Variants in AGAP1 observed in about 807,000 individuals in gnomAD.
The protein encoded by AGAP1 is arf-GAP with GTPase, ANK repeat and PH domain-containing protein 1.
In AGAP1, 29 loss-of-function variants were observed where a neutral mutation model predicts 105.3. The observed-to-expected ratio is 0.28, with a 90% CI of 0.21 to 0.38. The LOEUF (loss-of-function observed/expected upper bound fraction) is 0.38, where lower values mean the gene tolerates loss of function less well. Ranked by LOEUF, AGAP1 falls within the 10% of genes least tolerant of loss-of-function variation. The pLI is 1.00. For synonymous variants in AGAP1, 509 were observed against 485.9 expected (o/e 1.05, Z -0.63); for missense variants, 998 against 1,165.1 (o/e 0.86, Z 2.09).
Position 235,553,499 on chromosome 2 carries a change from G to A in AGAP1, c.163+58650G>A, listed in dbSNP as rs568493832. 7.2e-5 allele frequency among the ~76,000 whole-genome samples: 11 copies of A among 152,266 alleles called. No homozygotes were observed. The South Asian group carries it at 2.3e-3, about 32-fold the overall frequency. The stretch of plus-strand genomic sequence containing the variant: ...TGAGGTCACTAGCACATGGTGAGTA[G>A]TTAGTAAACAATTGCTTCTGCTAGA... On this transcript the variant is annotated intron_variant, in intron 1 of 17. Transcript: ENST00000304032. This position sits in a 1 kb window ranked among gnomAD's most constrained non-coding sequence, Gnocchi z 4.5.
Position 236,036,833 on chromosome 2 carries a change from T to C in AGAP1, c.1800+118T>C. Reference sequence around the variant, plus strand: ...CAGTGTGAATGACAGGACCTAGCTATTCTTTATGAGCAGAAAGCTCAATAA... The same window carrying C: ...CAGTGTGAATGACAGGACCTAGCTACTCTTTATGAGCAGAAAGCTCAATAA... On this transcript the variant is annotated intron_variant, in intron 14 of 17. Coordinates refer to ENST00000304032, the MANE Select transcript of AGAP1 (RefSeq NM_001037131.3). This position sits in a 1 kb window ranked among gnomAD's most constrained non-coding sequence, Gnocchi z 5.7. The C allele has an allele frequency of 6.9e-7, 1 of 1,442,342 alleles. No homozygotes were observed. The allele number at this position is 1,442,342 out of a possible 1,614,324, so 89.3% of individuals were successfully genotyped here. A position where few individuals can be genotyped will look rare whatever the true frequency, so the allele number is the denominator to read the frequency against.
In AGAP1 at chr2:235,931,239, G is replaced by A. The variant is rs148427255; in HGVS notation, c.1483+316G>A. On this transcript the variant is annotated intron_variant, in intron 12 of 17. Coordinates refer to ENST00000304032, the MANE Select transcript of AGAP1 (RefSeq NM_001037131.3). This position sits in a 1 kb window ranked among gnomAD's most constrained non-coding sequence, Gnocchi z 5.6. Reference sequence around the variant, plus strand: ...AGGGTCACGTGACAGAAGTGGCAGCGCTGAGAAATAAGATCTGATTTTATC... The same window carrying A: ...AGGGTCACGTGACAGAAGTGGCAGCACTGAGAAATAAGATCTGATTTTATC... Among the ~76,000 whole-genome samples, 5 of 152,302 alleles carry A rather than the reference G, an allele frequency of 3.3e-5. No individual in the cohort carries two copies. Among genetic ancestry groups the A allele is most frequent in the Middle Eastern group, 3.4e-3 (1 of 294 alleles).
At chr2:235,598,032 G>A in intron 1 of AGAP1, among the ~76,000 whole-genome samples, 1 of 110,776 alleles carries the variant, frequency 9.0e-6, no homozygotes, top group Non-Finnish European at 1.8e-5. Flanking sequence ...CCTTTGTGTG[G>A]AGCGTGCACG....
intron 9 of AGAP1, among the ~76,000 whole-genome samples, chr2:235,878,455 T>G (rs550319367): frequency 1.9e-4 from 29 of 152,302 alleles, no homozygotes; most frequent in Non-Finnish European, 2.1e-4. Context: ...AGTCACGTTC[T>G]GGGCTAAAGT....
At chr2:235,707,463 CT>C (rs1950590643) in intron 1 of AGAP1, among the ~76,000 whole-genome samples, 1 of 109,914 alleles carries the variant, frequency 9.1e-6, no homozygotes, top group Non-Finnish European at 2.2e-5. Context: ...CACAGTTGCC[CT>C]CCCCATGACC....
chr2:235,668,706 G>C (rs1037125275), intron 1 of AGAP1, among the ~76,000 whole-genome samples: 9 of 152,346 alleles, frequency 5.9e-5, no homozygotes, highest in Admixed American at 2.6e-4. Flanking sequence ...AGCCCACCAG[G>C]TAGGAAATCG....
rs1575892758 is a variant in AGAP1 at position 235,960,315 on chromosome 2, T to C, written c.1484-8147T>C. Reference sequence around the variant, plus strand: ...TCCATTCTTGAGATTGCAGTTGTTTTTATCCCATGACAACCCTGTGTCCTC... The same window carrying C: ...TCCATTCTTGAGATTGCAGTTGTTTCTATCCCATGACAACCCTGTGTCCTC... On this transcript the variant is annotated intron_variant, in intron 12 of 17. Coordinates refer to ENST00000304032, the MANE Select transcript of AGAP1 (RefSeq NM_001037131.3). This position sits in a 1 kb window ranked among gnomAD's most constrained non-coding sequence, Gnocchi z 4.9. Among the ~76,000 whole-genome samples, 1 of 152,178 alleles carries C rather than the reference T, an allele frequency of 6.6e-6. No homozygotes were observed. The highest frequency in any genetic ancestry group is 1.9e-4 in the East Asian group (1 of 5,178).
chr2:235,638,608 G>A (rs1045941350), intron 1 of AGAP1, among the ~76,000 whole-genome samples: 1 of 152,194 alleles, frequency 6.6e-6, no homozygotes. Context: ...AAAAAAGACA[G>A]GAAAGAAAGA....
chr2:235,999,153 T>C (rs1276479445), intron 13 of AGAP1, among the ~76,000 whole-genome samples: 2 of 124,416 alleles, frequency 1.6e-5, no homozygotes, highest in Non-Finnish European at 3.4e-5. Context: ...TGGTGAGAGG[T>C]GGTGGTGGTG....
At chr2:235,810,451 G>C (rs1373271801) in intron 9 of AGAP1, among the ~76,000 whole-genome samples, 1 of 152,086 alleles carries the variant, frequency 6.6e-6, no homozygotes, top group African/African-American at 2.4e-5. Flanking sequence ...AGTTGCTAAT[G>C]CAGACTCTTC....
rs1023034398 is a variant in AGAP1, at chr2:235,620,500, C to T, written c.164-88679C>T. 4.6e-5 allele frequency among the ~76,000 whole-genome samples: 7 copies of T among 152,172 alleles called. No individual in the cohort carries two copies. Among genetic ancestry groups the T allele is most frequent in the East Asian group, 1.9e-4 (1 of 5,170 alleles). ...GACCCTTACATGTCTGCACTGCTTCCTCTTTTTGGAAAACCTTCCTGGGGG... is the reference window on the plus strand; with the variant it reads ...GACCCTTACATGTCTGCACTGCTTCTTCTTTTTGGAAAACCTTCCTGGGGG... On this transcript the variant is annotated intron_variant, in intron 1 of 17. Coordinates refer to ENST00000304032, the MANE Select transcript of AGAP1 (RefSeq NM_001037131.3). This position sits in a 1 kb window ranked among gnomAD's most constrained non-coding sequence, Gnocchi z 4.5.
At chr2:235,803,001 ATGGTTG>A (rs1559506335) in intron 8 of AGAP1, among the ~76,000 whole-genome samples, 18 of 53,938 alleles carry the variant, frequency 3.3e-4, no homozygotes, top group South Asian at 1.0e-3. Context: ...GATGGTGGTG[ATGGTTG>A]TGGTTGTGAT....
At chr2:235,709,032 T>G in intron 1 of AGAP1, 147 bp from the exon 2 acceptor site, 2 of 791,050 alleles carry the variant, frequency 2.5e-6, no homozygotes, top group Non-Finnish European at 4.3e-6. Context: ...TGGGACAAAC[T>G]GATCTTTCTG....
At chr2:236,069,088 G>C (rs1017403153) in intron 16 of AGAP1, among the ~76,000 whole-genome samples, 3 of 147,898 alleles carry the variant, frequency 2.0e-5, no homozygotes, top group Non-Finnish European at 4.5e-5. Context: ...GATCACGCTA[G>C]TGCGCTCCAG....
At chr2:235,810,769 G>C (rs1958091997) in intron 9 of AGAP1, among the ~76,000 whole-genome samples, 1 of 151,384 alleles carries the variant, frequency 6.6e-6, no homozygotes, top group Non-Finnish European at 1.5e-5. Context: ...GTGGACCTGG[G>C]TCTACTTCTC....
At chr2:235,500,076 A>T (rs1300704711) in intron 1 of AGAP1, among the ~76,000 whole-genome samples, 1 of 151,906 alleles carries the variant, frequency 6.6e-6, no homozygotes, top group Non-Finnish European at 1.5e-5. Flanking sequence ...GGTGTTTGGG[A>T]TGGAAGTGAA....
intron 12 of AGAP1, among the ~76,000 whole-genome samples, chr2:235,945,892 G>A (rs1433562734): frequency 3.3e-5 from 5 of 150,104 alleles, no homozygotes; most frequent in South Asian, 2.2e-4. Flanking sequence ...CATGGCTGGC[G>A]GTGGTGGTGG....
intron 6 of AGAP1, among the ~76,000 whole-genome samples, chr2:235,791,541 T>G (rs1381099737): frequency 6.6e-6 from 1 of 151,660 alleles, no homozygotes; most frequent in African/African-American, 2.4e-5. Context: ...GCACGTTGAT[T>G]TGATTTGATT....
At chr2:235,869,317 G>A (rs777017919) in intron 9 of AGAP1, among the ~76,000 whole-genome samples, 5 of 150,820 alleles carry the variant, frequency 3.3e-5, no homozygotes, top group Non-Finnish European at 5.9e-5. Flanking sequence ...AGGTATGGTG[G>A]CTCACGCCTG....
Sources: gnomAD v4.1 joint callset for allele counts (sites outside exome capture counted in the v4.1 genomes callset) on GRCh38, gnomAD v4.1.1 for gene constraint, Gnocchi (gnomAD v3.1) non-coding constraint, MANE v1.5 for transcripts, NCBI Gene and HGNC (gene_info 2026-07-23, HGNC 2026-07-21) for gene names.